Variants in TLL1 observed in about 807,000 individuals in gnomAD.
TLL1 encodes the protein tolloid like 1.
Under a neutral mutation model 128.2 loss-of-function variants are expected in TLL1, and 49 were observed. The observed-to-expected ratio is 0.38, with a 90% confidence interval of 0.30 to 0.48. The LOEUF is 0.48. TLL1 is among the 20% of genes least tolerant of loss of function. The pLI, the probability that TLL1 is intolerant of heterozygous loss-of-function variation, is 0.96. For synonymous variants in TLL1, 454 were observed against 418.8 expected, an observed-to-expected ratio of 1.08 and a Z score of -1.03; for missense variants, 1,123 against 1,242.0, an observed-to-expected ratio of 0.90 and a Z score of 1.44.
intron 12 of TLL1, among the ~76,000 whole-genome samples, chr4:166,045,035 C>A (rs993738429): frequency 6.6e-6 from 1 of 152,024 alleles, no homozygotes; most frequent in Non-Finnish European, 1.5e-5. Context: ...GCACTTAGAA[C>A]CATGCCTGAC....
chr4:166,029,008 C>T (rs1046522408), intron 9 of TLL1, among the ~76,000 whole-genome samples: 10 of 151,790 alleles, frequency 6.6e-5, no homozygotes, highest in African/African-American at 2.4e-4. Context: ...GTTTATTTTT[C>T]GTTTAACCCA....
At chr4:165,948,088 A>G (rs114583799) in intron 1 of TLL1, among the ~76,000 whole-genome samples, 200 of 152,242 alleles carry the variant, frequency 1.3e-3, no homozygotes, top group Middle Eastern at 3.4e-3. Context: ...TGATCCACAG[A>G]GGAGTTTTCC....
Position 166,101,073 on chromosome 4 carries a change from T to C in TLL1, c.*197T>C, listed in dbSNP as rs1445814491. 1.6e-6 allele frequency: 1 copy of C among 610,666 alleles called. No homozygotes were observed. The highest frequency in any genetic ancestry group is 2.8e-6 in the Non-Finnish European group (1 of 360,592). 37.8% of individuals were successfully genotyped at this position (610,666 alleles called of 1,614,324 possible). Reference sequence around the variant, plus strand: ...ATCAGCATTACAAGGATATTTGAACTCCATGCTTGATGGTATTAATAAAGC... The same window carrying C: ...ATCAGCATTACAAGGATATTTGAACCCCATGCTTGATGGTATTAATAAAGC... On this transcript the variant is annotated 3_prime_UTR_variant, in exon 21 of 21. Coordinates refer to ENST00000061240, the MANE Select transcript of TLL1 (RefSeq NM_012464.5).
At chr4:166,099,553 C>G in intron 20 of TLL1, 26 bp downstream of exon 20, 1 of 1,609,816 alleles carries the variant, frequency 6.2e-7, no homozygotes, top group Non-Finnish European at 8.5e-7. Context: ...ACAGAATACC[C>G]TAGACATGAT....
chr4:166,035,132 G>A (rs891192997), intron 9 of TLL1, among the ~76,000 whole-genome samples: 1 of 152,080 alleles, frequency 6.6e-6, no homozygotes, highest in African/African-American at 2.4e-5. Flanking sequence ...CATAGCGAGA[G>A]GTGTAAAAAA....
intron 1 of TLL1, chr4:165,874,832 A>G (rs889378609): frequency 2.0e-5 from 3 of 151,962 alleles, no homozygotes; most frequent in Non-Finnish European, 4.4e-5. Context: ...CCTCCCTTCT[A>G]CGCCTCTGGC....
Position 165,994,476 on chromosome 4 carries a change from A to T in TLL1, c.457A>T (p.Thr153Ser), listed in dbSNP as rs1454929160. The change falls in exon 4 of 21, where the codon ACG becomes TCG. Residue 153 changes from threonine to serine, a missense_variant. Transcript: ENST00000061240. ...NRVPRAATSR[T>S]ERIWPGGVIP... Reference sequence around the variant, plus strand: ...AGTTCCCAGAGCCGCTACATCAAGAACGGAAAGAATATGGCCTGGAGGCGT... The same window carrying T: ...AGTTCCCAGAGCCGCTACATCAAGATCGGAAAGAATATGGCCTGGAGGCGT... 1.9e-6 allele frequency: 3 copies of T among 1,613,964 alleles called. No homozygotes were observed. Among genetic ancestry groups the T allele is most frequent in the Non-Finnish European group, 2.5e-6 (3 of 1,179,978 alleles).
chr4:166,055,323 T>C (rs1426177310), intron 13 of TLL1, 52 bp downstream of exon 13: 3 of 1,521,092 alleles, frequency 2.0e-6, no homozygotes, highest in South Asian at 1.1e-5. Context: ...AGGATACTTG[T>C]AGTGTTTAGC....
intron 10 of TLL1, among the ~76,000 whole-genome samples, chr4:166,041,303 TC>T (rs1461741631): frequency 0.033 from 2,584 of 78,346 alleles, 67 homozygotes; most frequent in African/African-American, 0.097. Context: ...TTTCTTTCTT[TC>T]TTTTTTTTTT....
rs114058022 is a variant in TLL1 at position 165,904,080 on chromosome 4, G to C, written c.169+30007G>C. Reference sequence around the variant, plus strand: ...TTATTTTGTAATTTTTTTTTATATGGCATCTTTTTCAAAAAAGTCTGTATT... The same window carrying C: ...TTATTTTGTAATTTTTTTTTATATGCCATCTTTTTCAAAAAAGTCTGTATT... On this transcript the variant is annotated intron_variant, in intron 1 of 20. Transcript: ENST00000061240. 5.6e-3 allele frequency among the ~76,000 whole-genome samples: 850 copies of C among 151,628 alleles called. 4 individuals carry two copies. The highest frequency in any genetic ancestry group is 9.6e-3 in the Non-Finnish European group (654 of 67,870).
intron 1 of TLL1, among the ~76,000 whole-genome samples, chr4:165,949,432 A>G (rs1734404573): frequency 6.6e-6 from 1 of 152,158 alleles, no homozygotes; most frequent in South Asian, 2.1e-4. Context: ...ACTTCTGACC[A>G]ACAGAAACTA....
At chr4:165,887,951 G>T (rs79641856) in intron 1 of TLL1, among the ~76,000 whole-genome samples, 1,795 of 152,158 alleles carry the variant, frequency 0.012, 31 homozygotes, top group African/African-American at 0.04. Context: ...AAGACCAGTT[G>T]TTGCTATTAT....
Position 166,065,847 on chromosome 4 carries a change from A to C in TLL1, c.2172A>C (p.Lys724Asn), listed in dbSNP as rs539271132. The C allele has an allele frequency of 6.2e-7, 1 of 1,612,810 alleles. No individual in the cohort carries two copies. The highest frequency in any genetic ancestry group is 2.2e-5 in the East Asian group (1 of 44,806). The change falls in exon 16 of 21, where the codon AAA becomes AAC. Residue 724 changes from lysine (K) to asparagine (N), a missense_variant. Physicochemically the swap from Lys to Asn is moderately conservative, Grantham distance 94. Around this residue, in one of 3 missense-constraint regions of TLL1, gnomAD observed 634 missense variants for 672.4 expected, o/e 0.94. Coordinates refer to ENST00000061240, the MANE Select transcript of TLL1 (RefSeq NM_012464.5). Reference protein sequence around the residue: ...SDNTVSKKGFKAHFFSDKDEC... With the variant: ...SDNTVSKKGFNAHFFSDKDEC... ...ATACTGTATCCAAGAAGGGCTTCAA[A>C]GCACATTTTTTCTCAGGTATAAGCA...
intron 12 of TLL1, among the ~76,000 whole-genome samples, chr4:166,050,674 C>G (rs9991994): frequency 0.3 from 45,399 of 152,054 alleles, 7,636 homozygotes; most frequent in African/African-American, 0.45. Flanking sequence ...CCAAGCCTGG[C>G]CATGACCCCT....
At chr4:166,080,249 A>C (rs1178514445) in intron 18 of TLL1, among the ~76,000 whole-genome samples, 1 of 151,836 alleles carries the variant, frequency 6.6e-6, no homozygotes, top group Non-Finnish European at 1.5e-5. Context: ...AGTGTCTCTT[A>C]CTCTTCTTAT....
chr4:165,880,069 T>C (rs1050056355), intron 1 of TLL1, among the ~76,000 whole-genome samples: 7 of 152,164 alleles, frequency 4.6e-5, no homozygotes, highest in Non-Finnish European at 1.0e-4. Context: ...GAAGGAAAAC[T>C]TAAAAAATAT....
intron 8 of TLL1, among the ~76,000 whole-genome samples, chr4:166,023,690 A>G (rs1738349542): frequency 6.6e-6 from 1 of 152,162 alleles, no homozygotes; most frequent in Non-Finnish European, 1.5e-5. Flanking sequence ...TTATAATCAG[A>G]CACTATATTA....
At chr4:165,945,878 G>T (rs1734223188) in intron 1 of TLL1, among the ~76,000 whole-genome samples, 1 of 152,094 alleles carries the variant, frequency 6.6e-6, no homozygotes, top group South Asian at 2.1e-4. Flanking sequence ...AGGGAATTAA[G>T]TTTGCTAAAC....
chr4:166,033,451 G>T (rs1021901932), intron 9 of TLL1, among the ~76,000 whole-genome samples: 1 of 152,120 alleles, frequency 6.6e-6, no homozygotes, highest in African/African-American at 2.4e-5. Flanking sequence ...ATTTCTACCT[G>T]CTGAGTTTGC....
Sources: gnomAD v4.1 joint callset for allele counts (sites outside exome capture counted in the v4.1 genomes callset) on GRCh38, gnomAD v4.1.1 for gene constraint, gnomAD v4.1.1 regional missense constraint, MANE v1.5 for transcripts, NCBI Gene and HGNC (gene_info 2026-07-23, HGNC 2026-07-21) for gene names.